ATG4C: variants seen among roughly 807,000 people sequenced by gnomAD.
The protein encoded by ATG4C is cysteine protease ATG4C.
ATG4C carries 56 observed loss-of-function variants against 57.6 expected under a neutral mutation model. The observed-to-expected ratio is 0.97, with a 90% CI of 0.78 to 1.21. The LOEUF is 1.21. ATG4C is among the 50% of genes most tolerant of loss of function. ATG4C has a pLI of 0.00. For synonymous variants in ATG4C, 157 were observed against 174.1 expected (o/e 0.90, Z 0.78); for missense variants, 595 against 529.8 (o/e 1.12, Z -1.21).
chr1:62,803,350 A>G (rs1664745400), intron 1 of ATG4C, among the ~76,000 whole-genome samples: 1 of 152,218 alleles, frequency 6.6e-6, no homozygotes, highest in Non-Finnish European at 1.5e-5. Flanking sequence ...CTAATGACAG[A>G]TAAAACAAAT....
chr1:62,847,615 G>GTTCCC (rs1352623796), intron 10 of ATG4C, among the ~76,000 whole-genome samples: 17 of 152,288 alleles, frequency 1.1e-4, no homozygotes, highest in Non-Finnish European at 2.2e-4. Context: ...ACCAGGAGAA[G>GTTCCC]AGTGAGTGTC....
At chr1:62,795,082 C>T (rs1260827217) in intron 1 of ATG4C, among the ~76,000 whole-genome samples, 1 of 152,152 alleles carries the variant, frequency 6.6e-6, no homozygotes, top group African/African-American at 2.4e-5. Context: ...GAGGAAGATG[C>T]CTGAGCATTC....
rs60298362 is a variant in ATG4C at position 62,801,958 on chromosome 1, C to CAAAA, written c.-68-1737_-68-1734dup. On this transcript the variant is annotated intron_variant, in intron 1 of 10. Transcript: ENST00000317868. Reference sequence around the variant, plus strand: ...GGGGGACAGAGCAAGACTCTGTCTCCAAAAAAAAAAAAAAAAAAAAAAAAA... The same window carrying CAAAA: ...GGGGGACAGAGCAAGACTCTGTCTCCAAAAAAAAAAAAAAAAAAAAAAAAAAAAA... Among the ~76,000 whole-genome samples the CAAAA allele has an allele frequency of 2.3e-4, 12 of 51,890 alleles. 1 individual carries two copies. Among genetic ancestry groups the CAAAA allele is most frequent in the African/African-American group, 5.6e-4 (9 of 16,040 alleles). The allele number at this position is 51,890 out of a possible 152,430, so 34.0% of individuals were successfully genotyped here. A position where few individuals can be genotyped will look rare whatever the true frequency, so the allele number is the denominator to read the frequency against.
rs531433477 is a variant in ATG4C, at chr1:62,819,284, G to C, written c.674G>C (p.Gly225Ala). The part of the protein sequence containing the change: ...HQLIEYGKKS[G>A]KKAGDWYGPA... Reference sequence around the variant, plus strand: ...CTAATAGAATATGGAAAGAAGTCTGGGAAAAAAGCAGGAGATTGGTATGGA... The same window carrying C: ...CTAATAGAATATGGAAAGAAGTCTGCGAAAAAAGCAGGAGATTGGTATGGA... The change falls in exon 5 of 11, where the codon GGG (glycine) becomes GCG (alanine). Residue 225 changes from glycine to alanine, a missense_variant. Coordinates refer to ENST00000317868, the MANE Select transcript of ATG4C (RefSeq NM_032852.4). The C allele has an allele frequency of 3.4e-5, 55 of 1,608,402 alleles. No individual in the cohort carries two copies. In the Admixed American group the frequency reaches 7.0e-4, roughly 20 times the overall value.
At chr1:62,822,288 C>T (rs1665506596) in intron 6 of ATG4C, among the ~76,000 whole-genome samples, 1 of 151,926 alleles carries the variant, frequency 6.6e-6, no homozygotes, top group African/African-American at 2.4e-5. Flanking sequence ...TTTGTTTGGC[C>T]TTGTAAAGAA....
At chr1:62,851,647 T>G (rs1035428324) in intron 10 of ATG4C, among the ~76,000 whole-genome samples, 1 of 152,062 alleles carries the variant, frequency 6.6e-6, no homozygotes, top group Middle Eastern at 3.2e-3. Flanking sequence ...CTATTAAACA[T>G]TGAAATAAAT....
chr1:62,816,724 A>T lies in ATG4C; in HGVS notation c.310A>T (p.Thr104Ser). 1.2e-6 allele frequency: 2 copies of T among 1,613,912 alleles called. No individual in the cohort carries two copies. Among genetic ancestry groups the T allele is most frequent in the South Asian group, 1.1e-5 (1 of 91,060 alleles). The change falls in exon 4 of 11, where the codon ACA (threonine) becomes TCA (serine). Residue 104 changes from threonine to serine, a missense_variant. Thr to Ser is a moderately conservative substitution (Grantham distance 58, BLOSUM62 1). Coordinates refer to ENST00000317868, the MANE Select transcript of ATG4C (RefSeq NM_032852.4). The stretch of plus-strand genomic sequence containing the variant: ...CCCTCAAATAGAAGGCTCAGCTTTG[A>T]CAACAGACTGTGGGTGGGGCTGCAC... ...EFPQIEGSAL[T>S]TDCGWGCTLR...
At chr1:62,844,736 C>G (rs1187890473) in intron 10 of ATG4C, among the ~76,000 whole-genome samples, 1 of 151,916 alleles carries the variant, frequency 6.6e-6, no homozygotes, top group Admixed American at 6.6e-5. Context: ...TAATCACTAT[C>G]CTGAATTAGT....
chr1:62,837,461 A>G (rs577405348), intron 9 of ATG4C, among the ~76,000 whole-genome samples: 76 of 152,322 alleles, frequency 5.0e-4, no homozygotes, highest in African/African-American at 1.8e-3. Flanking sequence ...ACCTTAAACA[A>G]AAGTCATCAA....
At position 62,859,790 on chromosome 1, in the gene ATG4C, G is replaced by C. The variant is rs556549780; in HGVS notation, c.1210-4202G>C. On this transcript the variant is annotated intron_variant, in intron 10 of 10. Transcript: ENST00000317868. The stretch of plus-strand genomic sequence containing the variant: ...GACTGACTGCAACCTCCGCCTCCCA[G>C]GTTCAAGCAATTCTCTGCCTCAGCC... Among the ~76,000 whole-genome samples the C allele has an allele frequency of 6.1e-4, 92 of 152,052 alleles. 2 individuals carry two copies. Among genetic ancestry groups the C allele is most frequent in the African/African-American group, 2.1e-3 (88 of 41,482 alleles).
At chr1:62,798,190 C>T (rs1462792365) in intron 1 of ATG4C, among the ~76,000 whole-genome samples, 1 of 152,102 alleles carries the variant, frequency 6.6e-6, no homozygotes, top group Non-Finnish European at 1.5e-5. Context: ...AGTATGTGCA[C>T]ATATGTGTTT....
chr1:62,805,091 TAAAAG>T (rs925242758), intron 2 of ATG4C, 76 bp from the exon 3 acceptor site: 41 of 1,431,370 alleles, frequency 2.9e-5, no homozygotes, highest in African/African-American at 7.6e-5. Context: ...TGAAATTAAA[TAAAAG>T]AAAACGCTGC....
chr1:62,849,234 G>A lies in ATG4C; in HGVS notation c.1209+7687G>A, dbSNP rs77751529. The stretch of plus-strand genomic sequence containing the variant: ...TTCTTCCACCCGGGCATGCATACCT[G>A]CTTTGCCCAGCCCCATCTAGTGGCT... On this transcript the variant is annotated intron_variant, in intron 10 of 10. Transcript: ENST00000317868. Among the ~76,000 whole-genome samples the A allele has an allele frequency of 7.8e-3, 1,191 of 152,174 alleles. 14 individuals carry two copies. Among genetic ancestry groups the A allele is most frequent in the African/African-American group, 0.027 (1,120 of 41,526 alleles).
intron 10 of ATG4C, among the ~76,000 whole-genome samples, chr1:62,847,760 G>C (rs917556801): frequency 6.6e-6 from 1 of 152,152 alleles, no homozygotes; most frequent in East Asian, 1.9e-4. Context: ...CAGTTTAGTA[G>C]TATCTTTTAT....
chr1:62,805,187 C>T lies in ATG4C; in HGVS notation c.92C>T (p.Thr31Ile). The T allele has an allele frequency of 6.7e-7, 1 of 1,487,884 alleles. No homozygotes were observed. The highest frequency in any genetic ancestry group is 8.9e-7 in the Non-Finnish European group (1 of 1,129,468). 92.2% of individuals were successfully genotyped at this position (1,487,884 alleles called of 1,614,324 possible). A position where few individuals can be genotyped will look rare whatever the true frequency, so the allele number is the denominator to read the frequency against. Residue 31 changes from threonine to isoleucine, a missense_variant, in exon 3 of 11, where the codon ACA becomes ATA. Transcript: ENST00000317868. ...NNMKYSWVLK[T>I]KTYFSRNSPV... ...TTTTTGCTAGGTTGGGTGTTGAAAA[C>T]AAAGACGTATTTTAGTAGAAATTCT... is the stretch of plus-strand genomic sequence containing the variant.
chr1:62,804,446 AT>A (rs553503812), intron 2 of ATG4C, among the ~76,000 whole-genome samples: 202 of 144,894 alleles, frequency 1.4e-3, no homozygotes, highest in Non-Finnish European at 1.3e-3. Context: ...GTCTTGCATA[AT>A]TTTTTTTTTT....
intron 8 of ATG4C, among the ~76,000 whole-genome samples, 200 bp from the exon 9 acceptor site, chr1:62,834,576 A>G (rs1475760282): frequency 6.6e-6 from 1 of 152,102 alleles, no homozygotes; most frequent in Non-Finnish European, 1.5e-5. Context: ...TCACTTTATA[A>G]AAATTCTGCT....
At chr1:62,785,183 T>A (rs1235743828) in intron 1 of ATG4C, 2 of 152,240 alleles carry the variant, frequency 1.3e-5, no homozygotes, top group Non-Finnish European at 2.9e-5. Context: ...AAGGGAATGA[T>A]CTTCTTGCTT....
In ATG4C at chr1:62,792,084, G is replaced by C. The variant is rs1480341508; in HGVS notation, c.-69+7811G>C. Among the ~76,000 whole-genome samples, 6 of 151,968 alleles carry C rather than the reference G, an allele frequency of 3.9e-5. No homozygotes were observed. The East Asian group carries it at 1.2e-3, about 29-fold the overall frequency. On this transcript the variant is annotated intron_variant, in intron 1 of 10. Coordinates refer to ENST00000317868, the MANE Select transcript of ATG4C (RefSeq NM_032852.4). ...ACAATCTCGGCTCACTGCAACCTCTGCCTCCGGGGTTCAAGCAGTTCTCTG... is the reference window on the plus strand; with the variant it reads ...ACAATCTCGGCTCACTGCAACCTCTCCCTCCGGGGTTCAAGCAGTTCTCTG...
Sources: allele counts gnomAD v4.1 joint callset (sites outside exome capture counted in the v4.1 genomes callset), GRCh38; gene constraint gnomAD v4.1.1; transcripts MANE v1.5; gene names NCBI Gene and HGNC (gene_info 2026-07-23, HGNC 2026-07-21).